Variants in TEX15 observed in about 807,000 individuals in gnomAD.
TEX15 encodes the protein testis-expressed protein 15.
A neutral mutation model predicts 237.3 loss-of-function variants in TEX15; 171 were observed. The observed-to-expected ratio is 0.72, with a 90% CI of 0.64 to 0.82. TEX15 has a LOEUF of 0.82. TEX15 is among the 40% of genes least tolerant of loss of function. TEX15 has a pLI of 0.00. For synonymous variants in TEX15, 1,338 were observed against 1,269.8 expected (o/e 1.05, Z -1.14); for missense variants, 3,750 against 3,646.5 (o/e 1.03, Z -0.73).
intron 7 of TEX15, among the ~76,000 whole-genome samples, chr8:30,852,299 G>C (rs911047051): frequency 6.6e-6 from 1 of 151,474 alleles, no homozygotes; most frequent in Non-Finnish European, 1.5e-5. Flanking sequence ...TAGAGACAGG[G>C]TTTCACCGTG....
At chr8:30,893,065 T>C (rs1166706985) in intron 2 of TEX15, among the ~76,000 whole-genome samples, 1 of 150,784 alleles carries the variant, frequency 6.6e-6, no homozygotes, top group African/African-American at 2.4e-5. Context: ...TTGATACAGA[T>C]AATAAAAATG....
At chr8:30,864,000 G>A (rs1027817812) in intron 5 of TEX15, among the ~76,000 whole-genome samples, 1 of 151,970 alleles carries the variant, frequency 6.6e-6, no homozygotes, top group African/African-American at 2.4e-5. Flanking sequence ...AGACCTGATG[G>A]CTGATCTACT....
chr8:30,886,432 C>T (rs2080718), intron 3 of TEX15, among the ~76,000 whole-genome samples: 16,004 of 152,210 alleles, frequency 0.11, 1,324 homozygotes, highest in African/African-American at 0.23. Flanking sequence ...TCCAGGCTCT[C>T]CACTTTGTTC....
intron 3 of TEX15, among the ~76,000 whole-genome samples, chr8:30,882,171 G>C (rs977929233): frequency 2.0e-5 from 3 of 152,122 alleles, no homozygotes; most frequent in Admixed American, 2.0e-4. Context: ...TTCCCAGGCT[G>C]GTCTCAAATT....
intron 4 of TEX15, among the ~76,000 whole-genome samples, chr8:30,874,396 A>G (rs563715791): frequency 1.3e-5 from 2 of 152,220 alleles, no homozygotes; most frequent in Non-Finnish European, 2.9e-5. Flanking sequence ...AACTTTGCAT[A>G]TGCTCTTATT....
Position 30,842,051 on chromosome 8 carries a change from GAGA to G in TEX15, c.8113_8115del (p.Ser2705del). On this transcript the variant is annotated inframe_deletion, in exon 8 of 11. Coordinates refer to ENST00000643185, the MANE Select transcript of TEX15 (RefSeq NM_001350162.2). The stretch of plus-strand genomic sequence containing the variant: ...ACAGTAGTATCTTGCTGTTGTTCCT[GAGA>G]GTCTTCACATTTGTCTACAGTGCTC... 6.2e-7 allele frequency: 1 copy of G among 1,609,722 alleles called. No individual in the cohort carries two copies. The highest frequency in any genetic ancestry group is 1.1e-5 in the South Asian group (1 of 89,366).
Position 30,848,901 on chromosome 8 carries a change from T to C in TEX15, c.1266A>G (p.Ser422=). The C allele has an allele frequency of 6.2e-7, 1 of 1,614,186 alleles. No homozygotes were observed. Among genetic ancestry groups the C allele is most frequent in the Non-Finnish European group, 8.5e-7 (1 of 1,180,026 alleles). The change falls in exon 8 of 11, where the codon TCA becomes TCG. Residue 422 remains serine, a synonymous_variant. Coordinates refer to ENST00000643185, the MANE Select transcript of TEX15 (RefSeq NM_001350162.2). ...TGGATTTTGAAGTAGTGACTGTGCT[T>C]GAGCCAGTATTGTTGTGAAGAGGAA... is the stretch of plus-strand genomic sequence containing the variant. The part of the protein sequence containing the change: ...ASFPLHNNTG[S]STVTTSKSIK...
chr8:30,885,664 T>C (rs1313195043), intron 3 of TEX15, among the ~76,000 whole-genome samples: 1 of 152,196 alleles, frequency 6.6e-6, no homozygotes, highest in Non-Finnish European at 1.5e-5. Flanking sequence ...CTGTGTGTGC[T>C]TGAGAAGAAT....
intron 3 of TEX15, among the ~76,000 whole-genome samples, chr8:30,882,586 T>C (rs958943459): frequency 3.9e-5 from 6 of 152,098 alleles, no homozygotes; most frequent in African/African-American, 1.4e-4. Flanking sequence ...GTGCCTAGCC[T>C]CAATTCCTTT....
chr8:30,861,102 TTAAAAATAC>T (rs1321805471), intron 5 of TEX15, among the ~76,000 whole-genome samples: 1 of 151,950 alleles, frequency 6.6e-6, no homozygotes, highest in Non-Finnish European at 1.5e-5. Flanking sequence ...CCAACATGTA[TTAAAAATAC>T]TAAAAATACA....
chr8:30,867,345 A>G lies in TEX15; in HGVS notation c.460T>C (p.Tyr154His). 1 of 1,528,178 alleles carries G rather than the reference A, an allele frequency of 6.5e-7. No individual in the cohort carries two copies. The highest frequency in any genetic ancestry group is 8.8e-7 in the Non-Finnish European group (1 of 1,139,962). 94.7% of individuals were successfully genotyped at this position (1,528,178 alleles called of 1,614,324 possible). ...KILGNPLLGIYMFRHVDIALN... is the reference protein window; with the variant it reads ...KILGNPLLGIHMFRHVDIALN... ...GCAATATCAACATGTCTAAACATAT[A>G]AATTCCAAGAAGAGGATTTCCTAGT... The change falls in exon 5 of 11, where the codon TAT (tyrosine) becomes CAT (histidine). Residue 154 changes from tyrosine (Y) to histidine (H), a missense_variant. Physicochemically the swap from Tyr to His is moderately conservative, Grantham distance 83. Transcript: ENST00000643185.
At position 30,846,617 on chromosome 8, in the gene TEX15, G is replaced by T; in HGVS notation, c.3550C>A (p.His1184Asn). ...SLALKDSFCT[H>N]VTEATKPEIN... ...TCCGGTTTTGTGGCTTCAGTTACATGTGTGCAAAAACTATCTTTCAATGCA... is the reference window on the plus strand; with the variant it reads ...TCCGGTTTTGTGGCTTCAGTTACATTTGTGCAAAAACTATCTTTCAATGCA... The change falls in exon 8 of 11, where the codon CAT becomes AAT. Residue 1184 changes from histidine to asparagine, a missense_variant. Physicochemically the swap from His to Asn is moderately conservative, Grantham distance 68. Transcript: ENST00000643185. The T allele has an allele frequency of 6.2e-7, 1 of 1,613,844 alleles. No individual in the cohort carries two copies. The highest frequency in any genetic ancestry group is 1.3e-5 in the African/African-American group (1 of 75,014).
chr8:30,862,564 T>G (rs1808073386), intron 5 of TEX15, among the ~76,000 whole-genome samples: 1 of 152,164 alleles, frequency 6.6e-6, no homozygotes, highest in Non-Finnish European at 1.5e-5. Flanking sequence ...TCTAAAATCC[T>G]TATCTATTAC....
chr8:30,843,898 T>G lies in TEX15; in HGVS notation c.6269A>C (p.Lys2090Thr). The change falls in exon 8 of 11, where the codon AAA becomes ACA. Residue 2090 changes from lysine (K) to threonine (T), a missense_variant. Lys to Thr is a moderately conservative substitution (Grantham distance 78). Transcript: ENST00000643185. ...TGTTGGTTCACCTTCTAAGTGCCTT[T>G]TTTTGTTTTCAATGAATTGAATTGT... ...METIQFIENK[K>T]RHLEGEPTLR... 6.2e-7 allele frequency: 1 copy of G among 1,613,024 alleles called. No individual in the cohort carries two copies. Among genetic ancestry groups the G allele is most frequent in the Non-Finnish European group, 8.5e-7 (1 of 1,179,638 alleles).
Position 30,859,963 on chromosome 8 carries a change from C to A in TEX15, c.635G>T (p.Arg212Ile). 6.6e-7 allele frequency: 1 copy of A among 1,517,284 alleles called. No individual in the cohort carries two copies. Among genetic ancestry groups the A allele is most frequent in the Non-Finnish European group, 8.8e-7 (1 of 1,140,136 alleles). The allele number at this position is 1,517,284 out of a possible 1,614,324, so 94.0% of individuals were successfully genotyped here. Residue 212 changes from arginine to isoleucine, a missense_variant, in exon 6 of 11, where the codon AGA becomes ATA. By Grantham distance (97) the Arg-to-Ile change is moderately conservative. Transcript: ENST00000643185. ...PSPNFDCHMS[R>I]NAPSLKDTIE... ...GGTATCTTTCAAAGAAGGTGCATTT[C>A]TTGACATATGGCAATCAAAGTTAGG... is the stretch of plus-strand genomic sequence containing the variant.
In TEX15 at chr8:30,887,274, T is replaced by C; in HGVS notation, c.29A>G (p.Asp10Gly). MEMKETAKQ[D>G]TLWQMSSTSK... ...AGTTGAGCTCATTTGCCACAGTGTA[T>C]CCTGTTTAGCAGTTTCTTTCATTTC... is the stretch of plus-strand genomic sequence containing the variant. Residue 10 changes from aspartate to glycine, a missense_variant, in exon 3 of 11, where the codon GAT (aspartate) becomes GGT (glycine). Transcript: ENST00000643185. 2 of 1,535,160 alleles carry C rather than the reference T, an allele frequency of 1.3e-6. No homozygotes were observed. Among genetic ancestry groups the C allele is most frequent in the Non-Finnish European group, 1.7e-6 (2 of 1,146,578 alleles).
At chr8:30,863,300 G>C (rs576556980) in intron 5 of TEX15, among the ~76,000 whole-genome samples, 1 of 152,110 alleles carries the variant, frequency 6.6e-6, no homozygotes, top group East Asian at 1.9e-4. Context: ...TCAAATTTTT[G>C]GATTAGGGAT....
In TEX15 at chr8:30,846,356, T is replaced by C. The variant is rs961507982; in HGVS notation, c.3811A>G (p.Ile1271Val). The C allele has an allele frequency of 7.4e-6, 12 of 1,611,886 alleles. No homozygotes were observed. In the Admixed American group the frequency reaches 1.8e-4, roughly 25 times the overall value. ...AAGAAACATCTGCTTCCATCATCTATTGTTGTGACATTAGAAGGTTCAGTA... is the reference window on the plus strand; with the variant it reads ...AAGAAACATCTGCTTCCATCATCTACTGTTGTGACATTAGAAGGTTCAGTA... ...LFTEPSNVTT[I>V]DDGSRCFFTK... The change falls in exon 8 of 11, where the codon ATA becomes GTA. Residue 1271 changes from isoleucine (I) to valine (V), a missense_variant. By Grantham distance (29) the Ile-to-Val change is conservative (BLOSUM62 3). Transcript: ENST00000643185.
intron 3 of TEX15, 151 bp downstream of exon 3, chr8:30,887,016 A>C: frequency 5.1e-6 from 3 of 593,524 alleles, no homozygotes; most frequent in Non-Finnish European, 8.1e-6. Flanking sequence ...TTCTATTTTG[A>C]GTGGAAACAT....
Sources: gnomAD v4.1 joint callset for allele counts (sites outside exome capture counted in the v4.1 genomes callset) on GRCh38, gnomAD v4.1.1 for gene constraint, MANE v1.5 for transcripts, NCBI Gene and HGNC (gene_info 2026-07-23, HGNC 2026-07-21) for gene names.